SLC41A2: variants seen among roughly 807,000 people sequenced by gnomAD.
SLC41A2 encodes the protein solute carrier family 41 member 2.
SLC41A2 carries 32 observed loss-of-function variants against 58.3 expected under a neutral mutation model. The ratio of observed to expected loss-of-function variants is 0.55; its 90% CI spans 0.41 to 0.74. SLC41A2 has a LOEUF of 0.74. Among genes scored for constraint, SLC41A2 ranks in the 30% least tolerant of loss-of-function variants. SLC41A2 has a pLI of 0.00. For missense variants in SLC41A2, 514 were observed against 680.6 expected, an observed-to-expected ratio of 0.76 and a Z score of 2.72; for synonymous variants, 190 against 235.0, an observed-to-expected ratio of 0.81 and a Z score of 1.75.
rs776485499 is a variant in SLC41A2, at chr12:104,845,858, T to C, written c.1372A>G (p.Thr458Ala). 1.2e-6 allele frequency: 2 copies of C among 1,612,830 alleles called. No homozygotes were observed. The highest frequency in any genetic ancestry group is 1.7e-6 in the Non-Finnish European group (2 of 1,179,296). Residue 458 changes from threonine (T) to alanine (A), a missense_variant, in exon 9 of 11, where the codon ACT (threonine) becomes GCT (alanine). Thr to Ala is a moderately conservative substitution (Grantham distance 58, BLOSUM62 0). Around this residue, in one of 3 missense-constraint regions of SLC41A2, gnomAD observed 128 missense variants for 146.0 expected, o/e 0.88. Coordinates refer to ENST00000258538, the MANE Select transcript of SLC41A2 (RefSeq NM_001352171.3). ...EPKGCYYPFRTFFGPGVNNKS... is the reference protein window; with the variant it reads ...EPKGCYYPFRAFFGPGVNNKS... ...AAGCACATACCTGGACCAAAGAAAG[T>C]TCTAAATGGGTAGTAACAACCTTTG... is the stretch of plus-strand genomic sequence containing the variant.
rs574699741 is a variant in SLC41A2 at position 104,855,107 on chromosome 12, C to G, written c.1255+6184G>C. 3.2e-4 allele frequency among the ~76,000 whole-genome samples: 48 copies of G among 152,324 alleles called. 1 individual carries two copies. In the South Asian group the frequency reaches 7.5e-3, roughly 24 times the overall value. On this transcript the variant is annotated intron_variant, in intron 8 of 10. Coordinates refer to ENST00000258538, the MANE Select transcript of SLC41A2 (RefSeq NM_001352171.3). Reference sequence around the variant, plus strand: ...GTCTCTTCTCTTGGAAAAAGTTCCTCATCTGGACTTCTAAGTGTCATTCTA... The same window carrying G: ...GTCTCTTCTCTTGGAAAAAGTTCCTGATCTGGACTTCTAAGTGTCATTCTA...
At position 104,840,255 on chromosome 12, in the gene SLC41A2, G is replaced by C. The variant is rs138763010; in HGVS notation, c.1536+4217C>G. Among the ~76,000 whole-genome samples, 125 of 152,326 alleles carry C rather than the reference G, an allele frequency of 8.2e-4. 3 individuals carry two copies. In the East Asian group the frequency reaches 0.019, roughly 24 times the overall value. ...AGCAGTCAATGGAGCATCCGAGTAA[G>C]TAGATGTGAAGGCTGGGAGAATCAC... On this transcript the variant is annotated intron_variant, in intron 10 of 10. Transcript: ENST00000258538.
At chr12:104,805,489 A>G in intron 10 of SLC41A2, 152 bp from the exon 11 acceptor site, 1 of 572,290 alleles carries the variant, frequency 1.7e-6, no homozygotes, top group Non-Finnish European at 2.9e-6. Flanking sequence ...AGATGACAAG[A>G]ATACTTTCAT....
intron 8 of SLC41A2, among the ~76,000 whole-genome samples, chr12:104,859,508 TTCAG>T (rs1235259844): frequency 1.3e-5 from 2 of 152,128 alleles, no homozygotes; most frequent in Non-Finnish European, 1.5e-5. Flanking sequence ...TTGGTCATTT[TTCAG>T]TCAAAGAGGA....
chr12:104,910,375 G>C (rs192144414), intron 2 of SLC41A2, among the ~76,000 whole-genome samples: 1 of 152,208 alleles, frequency 6.6e-6, no homozygotes, highest in African/African-American at 2.4e-5. Context: ...TCTAGCCATG[G>C]ATCTGTCATA....
At chr12:104,891,091 C>T (rs2044942472) in intron 4 of SLC41A2, among the ~76,000 whole-genome samples, 1 of 152,214 alleles carries the variant, frequency 6.6e-6, no homozygotes, top group Non-Finnish European at 1.5e-5. Context: ...ACCCCCACCG[C>T]TCCATCTTCT....
intron 8 of SLC41A2, among the ~76,000 whole-genome samples, chr12:104,854,571 A>AAC (rs386377635): frequency 2.9e-3 from 89 of 31,104 alleles, no homozygotes; most frequent in Middle Eastern, 0.03. Context: ...TCAAAAAAAC[A>AAC]AAAAAAAAAA....
At chr12:104,957,672 GAAGA>G (rs2048218468) in intron 1 of SLC41A2, among the ~76,000 whole-genome samples, 1 of 152,252 alleles carries the variant, frequency 6.6e-6, no homozygotes, top group African/African-American at 2.4e-5. Context: ...TATATAAAGA[GAAGA>G]ATGAAAGAAA....
chr12:104,921,540 C>G (rs1406466680), intron 2 of SLC41A2, among the ~76,000 whole-genome samples: 1 of 148,872 alleles, frequency 6.7e-6, no homozygotes, highest in African/African-American at 2.4e-5. Context: ...ATACTATAAC[C>G]AGCAAAGCTA....
chr12:104,916,889 A>G (rs1228278229), intron 2 of SLC41A2, among the ~76,000 whole-genome samples: 1 of 151,922 alleles, frequency 6.6e-6, no homozygotes, highest in Non-Finnish European at 1.5e-5. Flanking sequence ...AAACCTAGGC[A>G]TTACCATTCA....
intron 1 of SLC41A2, among the ~76,000 whole-genome samples, chr12:104,953,164 ATAATC>A (rs1161104076): frequency 6.6e-6 from 1 of 152,244 alleles, no homozygotes; most frequent in African/African-American, 2.4e-5. Context: ...ATAGACTTGA[ATAATC>A]TATATATTTA....
intron 6 of SLC41A2, among the ~76,000 whole-genome samples, chr12:104,875,495 TATAAA>T (rs2043999870): frequency 6.6e-6 from 1 of 152,130 alleles, no homozygotes. Context: ...ATGGTGACCT[TATAAA>T]ATGAGTCTGG....
At chr12:104,942,347 T>G (rs140341511) in intron 1 of SLC41A2, among the ~76,000 whole-genome samples, 1 of 151,982 alleles carries the variant, frequency 6.6e-6, no homozygotes, top group East Asian at 1.9e-4. Flanking sequence ...GCATGGTATC[T>G]CATGCCTGTA....
At chr12:104,817,781 T>G (rs978461330) in intron 10 of SLC41A2, among the ~76,000 whole-genome samples, 4 of 151,552 alleles carry the variant, frequency 2.6e-5, no homozygotes, top group African/African-American at 9.7e-5. Context: ...TGGGACACAC[T>G]AGATAACTAG....
intron 1 of SLC41A2, among the ~76,000 whole-genome samples, chr12:104,950,249 G>A (rs765428509): frequency 4.6e-5 from 7 of 152,214 alleles, no homozygotes; most frequent in Non-Finnish European, 8.8e-5. Flanking sequence ...TAATCTCCAC[G>A]TGTCTAGGAA....
chr12:104,866,709 A>G (rs1175943530), intron 6 of SLC41A2, 130 bp from the exon 7 acceptor site: 5 of 695,774 alleles, frequency 7.2e-6, no homozygotes, highest in Non-Finnish European at 1.1e-5. Context: ...TACATTTTCT[A>G]TAAACTTCAA....
At chr12:104,870,940 T>C (rs2043739704) in intron 6 of SLC41A2, among the ~76,000 whole-genome samples, 1 of 152,196 alleles carries the variant, frequency 6.6e-6, no homozygotes, top group Non-Finnish European at 1.5e-5. Flanking sequence ...TAACCTAAGA[T>C]GGTACTGTGC....
chr12:104,850,515 T>A (rs761176550), intron 8 of SLC41A2, among the ~76,000 whole-genome samples: 2 of 152,234 alleles, frequency 1.3e-5, no homozygotes, highest in South Asian at 4.1e-4. Flanking sequence ...ATTCTAATAA[T>A]GTTAATTTGT....
intron 10 of SLC41A2, among the ~76,000 whole-genome samples, chr12:104,827,385 G>A (rs1167129415): frequency 6.6e-6 from 1 of 152,094 alleles, no homozygotes; most frequent in Non-Finnish European, 1.5e-5. Flanking sequence ...AGCTTTAATG[G>A]CCCCCAGGCA....
Sources: gnomAD v4.1 joint callset for allele counts (sites outside exome capture counted in the v4.1 genomes callset) on GRCh38, gnomAD v4.1.1 for gene constraint, gnomAD v4.1.1 regional missense constraint, MANE v1.5 for transcripts, NCBI Gene and HGNC (gene_info 2026-07-23, HGNC 2026-07-21) for gene names.